The following CALN1 variants were observed in gnomAD, a reference collection of about 807,000 sequenced individuals.
CALN1 encodes calcium-binding protein 8.
A neutral mutation model predicts 30.6 loss-of-function variants in CALN1; 17 were observed. The ratio of observed to expected loss-of-function variants is 0.56; its 90% confidence interval spans 0.38 to 0.83. CALN1 has a LOEUF of 0.83. CALN1 is among the 40% of genes least tolerant of loss of function. CALN1 has a pLI of 0.00. For synonymous variants in CALN1, 156 were observed against 131.4 expected (o/e 1.19, Z -1.28); for missense variants, 291 against 354.9 (o/e 0.82, Z 1.45).
the CALN1 span, among the ~76,000 whole-genome samples, chr7:72,496,766 C>G: frequency 8.5e-5 from 13 of 152,182 alleles, no homozygotes; most frequent in Middle Eastern, 3.4e-3. Context: ...CTGTAGTCAG[C>G]AACTAGAGAG....
Position 71,782,045 on chromosome 7 carries a change from T to C in CALN1, c.*5730A>G, listed in dbSNP as rs143533016. 1.2e-4 allele frequency: 19 copies of C among 152,342 alleles called. No homozygotes were observed. The East Asian group carries it at 3.1e-3, about 25-fold the overall frequency. The allele number at this position is 152,342 out of a possible 1,614,324, so 9.4% of individuals were successfully genotyped here. A position where few individuals can be genotyped will look rare whatever the true frequency, so the allele number is the denominator to read the frequency against. ...GAAACCACAGCTGTCAAAATGACCA[T>C]ATGCATTAGCAATGACCATAGGATA... On this transcript the variant is annotated 3_prime_UTR_variant, in exon 7 of 7. Coordinates refer to ENST00000395275, the MANE Select transcript of CALN1 (RefSeq NM_031468.4).
At chr7:72,256,620 A>C (rs1483065421) in intron 3 of CALN1, among the ~76,000 whole-genome samples, 1 of 151,084 alleles carries the variant, frequency 6.6e-6, no homozygotes, top group African/African-American at 2.4e-5. Context: ...TTTTCTTTCA[A>C]ATTTGAGACC....
the CALN1 span, among the ~76,000 whole-genome samples, chr7:72,498,517 A>C: frequency 1.3e-5 from 2 of 152,160 alleles, no homozygotes; most frequent in African/African-American, 4.8e-5. Flanking sequence ...AAGACAAGGA[A>C]ATTACATCTT....
intron 3 of CALN1, 125 bp downstream of exon 3, chr7:72,278,561 T>C (rs1171214352): frequency 2.1e-5 from 27 of 1,304,258 alleles, no homozygotes; most frequent in Non-Finnish European, 2.8e-5. Context: ...CATTATGCCA[T>C]GGCTACACTT....
chr7:72,234,263 G>A (rs1443509266), intron 3 of CALN1, among the ~76,000 whole-genome samples: 1 of 152,062 alleles, frequency 6.6e-6, no homozygotes, highest in Non-Finnish European at 1.5e-5. Flanking sequence ...AACAAGAGAA[G>A]ACAAGAAACT....
intron 1 of CALN1, among the ~76,000 whole-genome samples, chr7:72,405,584 T>C (rs1806641283): frequency 6.6e-6 from 1 of 152,122 alleles, no homozygotes; most frequent in Admixed American, 6.5e-5. Flanking sequence ...CACATGCCTA[T>C]GACTCATCTA....
intron 3 of CALN1, among the ~76,000 whole-genome samples, chr7:72,245,685 A>G (rs1795116273): frequency 6.6e-6 from 1 of 152,162 alleles, no homozygotes; most frequent in Admixed American, 6.5e-5. Flanking sequence ...AAGATCAGAG[A>G]TAGAATTCAC....
At chr7:72,259,114 G>A (rs1448856884) in intron 3 of CALN1, among the ~76,000 whole-genome samples, 2 of 150,752 alleles carry the variant, frequency 1.3e-5, no homozygotes, top group East Asian at 3.9e-4. Context: ...ATATATATAT[G>A]TATGCATCAA....
At chr7:72,066,782 A>AT (rs1313562966) in intron 4 of CALN1, among the ~76,000 whole-genome samples, 4 of 147,766 alleles carry the variant, frequency 2.7e-5, no homozygotes, top group African/African-American at 7.6e-5. Flanking sequence ...CAGCTATTTT[A>AT]TTTTATTTTT....
At chr7:71,829,897 GT>G (rs1465296043) in intron 5 of CALN1, among the ~76,000 whole-genome samples, 2 of 152,168 alleles carry the variant, frequency 1.3e-5, no homozygotes, top group Non-Finnish European at 2.9e-5. Flanking sequence ...TTCTCAAGTG[GT>G]TCATTTTATG....
intron 3 of CALN1, among the ~76,000 whole-genome samples, chr7:72,220,928 A>G (rs1793241589): frequency 2.0e-5 from 3 of 152,038 alleles, no homozygotes; most frequent in African/African-American, 7.3e-5. Context: ...AGTTCATTGT[A>G]GATTCTGGGT....
chr7:72,320,523 T>C (rs1422770252), intron 2 of CALN1, among the ~76,000 whole-genome samples: 2 of 152,058 alleles, frequency 1.3e-5, no homozygotes, highest in African/African-American at 4.8e-5. Context: ...CAGACACTTG[T>C]ACAAGTTGAG....
At chr7:72,009,525 A>G (rs1317980671) in intron 5 of CALN1, among the ~76,000 whole-genome samples, 1 of 152,238 alleles carries the variant, frequency 6.6e-6, no homozygotes, top group Non-Finnish European at 1.5e-5. Flanking sequence ...GCCATTTGAG[A>G]AAAAGCTATC....
chr7:72,001,746 T>C (rs1039442303), intron 5 of CALN1, among the ~76,000 whole-genome samples: 2 of 152,196 alleles, frequency 1.3e-5, no homozygotes, highest in Non-Finnish European at 2.9e-5. Context: ...GTTGAATTCT[T>C]TCTTCTGAGA....
At chr7:72,406,362 G>C (rs1467943080) in intron 1 of CALN1, among the ~76,000 whole-genome samples, 1 of 152,130 alleles carries the variant, frequency 6.6e-6, no homozygotes, top group Admixed American at 6.5e-5. Context: ...AGTCCTCACA[G>C]CCTTATGCAT....
chr7:72,127,888 T>G (rs1299396714), intron 3 of CALN1, among the ~76,000 whole-genome samples: 2 of 152,168 alleles, frequency 1.3e-5, no homozygotes, highest in East Asian at 3.9e-4. Context: ...ATGAGAAATA[T>G]GCTGATTTAA....
chr7:71,905,131 G>A (rs1292793826), intron 5 of CALN1, among the ~76,000 whole-genome samples: 1 of 152,086 alleles, frequency 6.6e-6, no homozygotes, highest in Non-Finnish European at 1.5e-5. Flanking sequence ...TAGAGACGGG[G>A]TTTTAACATG....
intron 4 of CALN1, among the ~76,000 whole-genome samples, chr7:72,097,437 C>A (rs1285088047): frequency 1.4e-4 from 21 of 152,188 alleles, no homozygotes; most frequent in Non-Finnish European, 4.4e-5. Context: ...GTGGGGACCA[C>A]AGAGCTAAGG....
chr7:72,066,400 C>T (rs1197493091), intron 4 of CALN1, among the ~76,000 whole-genome samples: 1 of 152,220 alleles, frequency 6.6e-6, no homozygotes, highest in Non-Finnish European at 1.5e-5. Context: ...ATCTTAACCA[C>T]ACACATACCA....
Sources: allele counts gnomAD v4.1 joint callset (sites outside exome capture counted in the v4.1 genomes callset), GRCh38; gene constraint gnomAD v4.1.1; transcripts MANE v1.5; gene names NCBI Gene and HGNC (gene_info 2026-07-23, HGNC 2026-07-21).